Variants in MTA3 observed in about 807,000 individuals in gnomAD.
MTA3 encodes metastasis associated 1 family member 3.
MTA3 carries 34 observed loss-of-function variants against 83.5 expected under a neutral mutation model. That is an observed-to-expected ratio of 0.41 (90% CI 0.31 to 0.54). MTA3 has a LOEUF of 0.54. MTA3 is among the 20% of genes least tolerant of loss of function. MTA3 has a pLI of 0.33. For synonymous variants in MTA3, 303 were observed against 252.7 expected (o/e 1.20, Z -1.89); for missense variants, 761 against 726.4 (o/e 1.05, Z -0.55).
intron 2 of MTA3, among the ~76,000 whole-genome samples, chr2:42,551,808 A>G (rs1043511881): frequency 6.6e-6 from 1 of 151,186 alleles, no homozygotes; most frequent in African/African-American, 2.4e-5. Flanking sequence ...GCTCACTGCA[A>G]CCTCCGCCTC....
chr2:42,520,038 G>T (rs1260893207), intron 2 of MTA3, among the ~76,000 whole-genome samples: 1 of 152,250 alleles, frequency 6.6e-6, no homozygotes, highest in Admixed American at 6.5e-5. Flanking sequence ...GCCAGACCTT[G>T]TCTCAAAAAA....
At position 42,745,358 on chromosome 2, in the gene MTA3, G is replaced by T. The variant is rs113043199; in HGVS notation, c.1760-8016G>T. Reference sequence around the variant, plus strand: ...GAGCAAGACCAAGAGTAAGTGTTTGGGAAAATAGGGCTGACCACATTTAAG... The same window carrying T: ...GAGCAAGACCAAGAGTAAGTGTTTGTGAAAATAGGGCTGACCACATTTAAG... On this transcript the variant is annotated intron_variant, in intron 16 of 16. Coordinates refer to ENST00000405094, the MANE Select transcript of MTA3 (RefSeq NM_001330442.2). Among the ~76,000 whole-genome samples the T allele has an allele frequency of 4.6e-3, 693 of 152,192 alleles. 8 individuals are homozygous for T. The highest frequency in any genetic ancestry group is 0.015 in the African/African-American group (642 of 41,516).
chr2:42,653,792 A>G (rs1405601688), intron 6 of MTA3, among the ~76,000 whole-genome samples: 1 of 152,240 alleles, frequency 6.6e-6, no homozygotes, highest in Non-Finnish European at 1.5e-5. Context: ...AAAAATAAAC[A>G]TCAATTGTAG....
chr2:42,700,253 TTAGATAAAAGGAAGGGCAATTTCATATAA>T (rs1202712654), intron 11 of MTA3, among the ~76,000 whole-genome samples: 1 of 152,068 alleles, frequency 6.6e-6, no homozygotes, highest in Non-Finnish European at 1.5e-5. Flanking sequence ...GGTTTGAGCG[TTAGATAAAAGGAAGGGCAATTTCATATAA>T]TGTGTCTTTT....
chr2:42,509,517 C>T (rs1169531355), intron 2 of MTA3, among the ~76,000 whole-genome samples: 1 of 152,118 alleles, frequency 6.6e-6, no homozygotes, highest in East Asian at 1.9e-4. Context: ...CACCTGTAAT[C>T]TCAGCACTTT....
intron 14 of MTA3, among the ~76,000 whole-genome samples, chr2:42,710,280 C>T (rs1385908966): frequency 2.0e-5 from 3 of 152,072 alleles, no homozygotes; most frequent in Non-Finnish European, 4.4e-5. Context: ...GGGCTGGGCG[C>T]GGTGGCTCAT....
intron 15 of MTA3, among the ~76,000 whole-genome samples, chr2:42,721,895 GA>G (rs1201327168): frequency 4.6e-5 from 7 of 151,072 alleles, no homozygotes; most frequent in African/African-American, 1.5e-4. Context: ...TCATGTTGGA[GA>G]AAAAAAAATC....
intron 16 of MTA3, among the ~76,000 whole-genome samples, chr2:42,729,087 T>TTTTTTG (rs60189669): frequency 0.39 from 10,709 of 27,426 alleles, 2,312 homozygotes; most frequent in African/African-American, 0.5. Context: ...ACAGTTTGAG[T>TTTTTTG]TTTTTTTTTT....
rs796502557 is a variant in MTA3 at position 42,552,148 on chromosome 2, C to T, written c.-140-18289C>T. ...GGGAGATGTATTTGAGCTGTCAAGCCGGTGAGGGAAGTTTGGGGTGAAGCA... is the reference window on the plus strand; with the variant it reads ...GGGAGATGTATTTGAGCTGTCAAGCTGGTGAGGGAAGTTTGGGGTGAAGCA... On this transcript the variant is annotated intron_variant, in intron 2 of 17. Transcript: ENST00000405592. 3.3e-5 allele frequency among the ~76,000 whole-genome samples: 5 copies of T among 152,146 alleles called. 1 individual carries two copies. The highest frequency in any genetic ancestry group is 4.2e-4 in the South Asian group (2 of 4,816).
intron 2 of MTA3, among the ~76,000 whole-genome samples, chr2:42,525,439 A>G (rs909279922): frequency 9.9e-5 from 14 of 141,730 alleles, no homozygotes; most frequent in Admixed American, 3.6e-4. Flanking sequence ...AGCTCAGGCA[A>G]TCTGCCCGTC....
At chr2:42,525,557 ACTTC>A (rs1481925953) in intron 2 of MTA3, among the ~76,000 whole-genome samples, 1 of 74,938 alleles carries the variant, frequency 1.3e-5, no homozygotes, top group East Asian at 4.0e-4. Flanking sequence ...CCTTCCCCTT[ACTTC>A]CTTCCTTTCC....
At chr2:42,592,027 G>C (rs920268744) in intron 3 of MTA3, among the ~76,000 whole-genome samples, 2 of 152,184 alleles carry the variant, frequency 1.3e-5, no homozygotes, top group African/African-American at 4.8e-5. Context: ...ACTTTGGGGG[G>C]CTGAGGCTGG....
At chr2:42,672,534 A>G (rs896002207) in intron 8 of MTA3, among the ~76,000 whole-genome samples, 1 of 150,290 alleles carries the variant, frequency 6.7e-6, no homozygotes, top group Non-Finnish European at 1.5e-5. Context: ...AATCCCAGCT[A>G]CTTGGGAGGC....
intron 6 of MTA3, among the ~76,000 whole-genome samples, chr2:42,654,229 A>T: frequency 6.6e-6 from 1 of 152,194 alleles, no homozygotes; most frequent in Non-Finnish European, 1.5e-5. Context: ...ACCTAACAAC[A>T]GTGGCCTGAC....
chr2:42,544,784 TGAG>T (rs1362409421), intron 2 of MTA3, among the ~76,000 whole-genome samples: 1 of 152,134 alleles, frequency 6.6e-6, no homozygotes, highest in Non-Finnish European at 1.5e-5. Context: ...ATAGGAAGAA[TGAG>T]GAGGATGCAA....
At chr2:42,514,191 C>T (rs1472984709) in intron 2 of MTA3, among the ~76,000 whole-genome samples, 3 of 151,704 alleles carry the variant, frequency 2.0e-5, no homozygotes, top group Non-Finnish European at 4.4e-5. Flanking sequence ...CCAAGCTGGG[C>T]GACGGAATGA....
intron 2 of MTA3, among the ~76,000 whole-genome samples, chr2:42,500,326 G>A (rs1175571645): frequency 6.6e-6 from 1 of 152,116 alleles, no homozygotes; most frequent in African/African-American, 2.4e-5. Context: ...TTGGACCTGG[G>A]AGGCGGAGGT....
chr2:42,578,350 A>T (rs931289375), intron 2 of MTA3, among the ~76,000 whole-genome samples: 10 of 151,818 alleles, frequency 6.6e-5, no homozygotes, highest in Admixed American at 4.6e-4. Context: ...GCATAACTGA[A>T]TTTTTTTTTG....
At chr2:42,681,747 G>A (rs907878258) in intron 8 of MTA3, among the ~76,000 whole-genome samples, 1 of 151,910 alleles carries the variant, frequency 6.6e-6, no homozygotes, top group Non-Finnish European at 1.5e-5. Context: ...CTGGGCTCAA[G>A]TGTTCCTCCC....
Sources: allele counts gnomAD v4.1 joint callset (sites outside exome capture counted in the v4.1 genomes callset), GRCh38; gene constraint gnomAD v4.1.1; transcripts MANE v1.5; gene names NCBI Gene and HGNC (gene_info 2026-07-23, HGNC 2026-07-21).